The following WDSUB1 variants were observed in gnomAD, a reference collection of about 807,000 sequenced individuals.
WDSUB1 encodes the protein WD repeat, sterile alpha motif and U-box domain containing 1.
WDSUB1 carries 49 observed loss-of-function variants against 53.9 expected under a neutral mutation model. The observed-to-expected ratio is 0.91, with a 90% CI of 0.72 to 1.15. The LOEUF (loss-of-function observed/expected upper bound fraction) is 1.15, where lower values mean the gene tolerates loss of function less well. Among genes scored for constraint, WDSUB1 ranks in the 50% most tolerant of loss-of-function variants. The probability of loss-of-function intolerance (pLI) is 0.00; values close to 1 mark genes in which losing one functional copy is unlikely to be tolerated. For missense variants in WDSUB1, 514 were observed against 562.0 expected, an observed-to-expected ratio of 0.91 and a Z score of 0.86; for synonymous variants, 194 against 200.6, an observed-to-expected ratio of 0.97 and a Z score of 0.28.
chr2:159,278,546 A>G (rs1208934665), intron 3 of WDSUB1, among the ~76,000 whole-genome samples: 1 of 152,226 alleles, frequency 6.6e-6, no homozygotes, highest in South Asian at 2.1e-4. Flanking sequence ...AAAAAAGACT[A>G]TATCAAAATT....
At chr2:159,249,438 G>C (rs2060896740) in intron 9 of WDSUB1, among the ~76,000 whole-genome samples, 1 of 152,210 alleles carries the variant, frequency 6.6e-6, no homozygotes, top group African/African-American at 2.4e-5. Context: ...TTAGGTTGAA[G>C]TGGGTAGAAG....
chr2:159,269,765 T>C (rs887831971), intron 5 of WDSUB1, among the ~76,000 whole-genome samples: 47 of 151,992 alleles, frequency 3.1e-4, no homozygotes, highest in Admixed American at 3.1e-3. Flanking sequence ...CAGAGAAAAA[T>C]TGTATCATCT....
Position 159,282,976 on chromosome 2 carries a change from T to C in WDSUB1, c.94A>G (p.Lys32Glu). Residue 32 changes from lysine (K) to glutamate (E), a missense_variant, in exon 2 of 11, where the codon AAA becomes GAA. Physicochemically the swap from Lys to Glu is moderately conservative, Grantham distance 56. Coordinates refer to ENST00000359774, the MANE Select transcript of WDSUB1 (RefSeq NM_001128212.3). ...FSLLATCSLD[K>E]TIRLYSLRDF... ...CGTAACGAGTACAGGCGAATTGTTT[T>C]GTCCAAGGAGCAAGTAGCCAAGAGG... 6.2e-7 allele frequency: 1 copy of C among 1,614,216 alleles called. No individual in the cohort carries two copies.
At chr2:159,267,812 T>C (rs1363424670) in intron 5 of WDSUB1, among the ~76,000 whole-genome samples, 1 of 152,222 alleles carries the variant, frequency 6.6e-6, no homozygotes, top group African/African-American at 2.4e-5. Flanking sequence ...ATCTACTAAG[T>C]ATGATTTAAA....
At chr2:159,241,231 T>C (rs2060637619) in intron 10 of WDSUB1, among the ~76,000 whole-genome samples, 3 of 152,242 alleles carry the variant, frequency 2.0e-5, no homozygotes, top group Non-Finnish European at 2.9e-5. Flanking sequence ...GCATTTCTAC[T>C]CTTTAGCCCC....
At chr2:159,278,903 A>T (rs1575494333) in intron 3 of WDSUB1, among the ~76,000 whole-genome samples, 1 of 152,192 alleles carries the variant, frequency 6.6e-6, no homozygotes, top group Non-Finnish European at 1.5e-5. Flanking sequence ...GACTGGCCAT[A>T]TGTGGGTATC....
At position 159,282,939 on chromosome 2, in the gene WDSUB1, TC is replaced by T. The variant is rs766284657; in HGVS notation, c.130del (p.Glu44AsnfsTer7). The T allele has an allele frequency of 6.2e-7, 1 of 1,614,158 alleles. No individual in the cohort carries two copies. The highest frequency in any genetic ancestry group is 1.3e-5 in the African/African-American group (1 of 75,010). ...IRLYSLRDFT[E>X]LPHSPLKFHT... ...AAACTTCAATGGAGAATGTGGCAGT[TC>T]AGTAAAGTCACGTAACGAGTACAGG... On this transcript the variant is annotated frameshift_variant, in exon 2 of 11. Coordinates refer to ENST00000359774, the MANE Select transcript of WDSUB1 (RefSeq NM_001128212.3). LOFTEE classifies it high-confidence loss of function.
intron 10 of WDSUB1, among the ~76,000 whole-genome samples, chr2:159,240,166 A>G (rs566473403): frequency 3.6e-4 from 55 of 152,310 alleles, no homozygotes; most frequent in Non-Finnish European, 6.9e-4. Flanking sequence ...CCTTTGGTAT[A>G]GGGCTTCTTG....
chr2:159,272,772 T>C (rs1261623349), intron 4 of WDSUB1, among the ~76,000 whole-genome samples: 1 of 152,206 alleles, frequency 6.6e-6, no homozygotes, highest in East Asian at 1.9e-4. Context: ...AATTTACACA[T>C]CTTGTAATTC....
At chr2:159,242,056 A>G (rs1353303779) in intron 10 of WDSUB1, among the ~76,000 whole-genome samples, 3 of 143,584 alleles carry the variant, frequency 2.1e-5, no homozygotes, top group African/African-American at 5.6e-5. Flanking sequence ...AGCAACTTTT[A>G]TTTATTTATT....
intron 10 of WDSUB1, among the ~76,000 whole-genome samples, chr2:159,247,897 A>ATATATATT: frequency 4.4e-5 from 1 of 22,582 alleles, no homozygotes; most frequent in Non-Finnish European, 1.1e-4. Context: ...ATATATATAT[A>ATATATATT]TATATATATA....
At chr2:159,271,939 G>T in intron 4 of WDSUB1, 144 bp from the exon 5 acceptor site, 1 of 652,454 alleles carries the variant, frequency 1.5e-6, no homozygotes, top group East Asian at 2.8e-5. Context: ...ATGCAGCTCA[G>T]ATATCTATAA....
intron 10 of WDSUB1, among the ~76,000 whole-genome samples, chr2:159,244,087 G>A (rs1342580184): frequency 6.6e-6 from 1 of 152,146 alleles, no homozygotes; most frequent in African/African-American, 2.4e-5. Context: ...GGAGATAGAA[G>A]GGAACTAACT....
At chr2:159,261,897 T>TATATATATATA in intron 5 of WDSUB1, among the ~76,000 whole-genome samples, 1 of 15,242 alleles carries the variant, frequency 6.6e-5, no homozygotes, top group African/African-American at 4.3e-4. Context: ...TATATATATA[T>TATATATATATA]TTTTTTTTTT....
intron 4 of WDSUB1, among the ~76,000 whole-genome samples, chr2:159,273,108 A>C (rs2061474539): frequency 1.3e-5 from 2 of 152,344 alleles, no homozygotes; most frequent in South Asian, 4.1e-4. Context: ...TTTCAAGCTC[A>C]AAACAGGAAA....
rs138375324 is a variant in WDSUB1, at chr2:159,271,925, C to A, written c.677-130G>T. On this transcript the variant is annotated intron_variant, in intron 4 of 10. Coordinates refer to ENST00000359774, the MANE Select transcript of WDSUB1 (RefSeq NM_001128212.3). ...CCTAAAGGACACAAAAATTAAAAATCCTCATGCAGCTCAGATATCTATAAG... is the reference window on the plus strand; with the variant it reads ...CCTAAAGGACACAAAAATTAAAAATACTCATGCAGCTCAGATATCTATAAG... 8.7e-6 allele frequency: 6 copies of A among 688,040 alleles called. No homozygotes were observed. The African/African-American group carries it at 9.1e-5, about 10-fold the overall frequency. The allele number at this position is 688,040 out of a possible 1,614,324, so 42.6% of individuals were successfully genotyped here.
chr2:159,262,755 C>T (rs564349795), intron 5 of WDSUB1, among the ~76,000 whole-genome samples: 1 of 152,132 alleles, frequency 6.6e-6, no homozygotes, highest in East Asian at 1.9e-4. Context: ...GAATAAAAGC[C>T]AACTTACATA....
chr2:159,256,399 T>C (rs1322221443), intron 8 of WDSUB1, 24 bp from the exon 9 acceptor site: 1 of 1,579,326 alleles, frequency 6.3e-7, no homozygotes, highest in South Asian at 1.2e-5. Context: ...AACAAGTAAG[T>C]GAGATAACAA....
chr2:159,250,997 C>T (rs1322980594), intron 9 of WDSUB1, among the ~76,000 whole-genome samples: 1 of 151,948 alleles, frequency 6.6e-6, no homozygotes, highest in Non-Finnish European at 1.5e-5. Context: ...GGTGTAGTGG[C>T]TCATGCCTAT....
Sources: allele counts gnomAD v4.1 joint callset (sites outside exome capture counted in the v4.1 genomes callset), GRCh38; gene constraint gnomAD v4.1.1; transcripts MANE v1.5; gene names NCBI Gene and HGNC (gene_info 2026-07-23, HGNC 2026-07-21).